Variants in ERC2 observed in about 807,000 individuals in gnomAD.
ERC2 encodes the protein ERC protein 2.
ERC2 carries 42 observed loss-of-function variants against 114.8 expected under a neutral mutation model. The observed-to-expected ratio is 0.37, with a 90% CI of 0.29 to 0.47. The LOEUF (loss-of-function observed/expected upper bound fraction) is 0.47. Ranked by LOEUF, ERC2 falls within the 20% of genes least tolerant of loss-of-function variation. The probability of loss-of-function intolerance (pLI) is 0.99; values close to 1 mark genes in which losing one functional copy is unlikely to be tolerated. For synonymous variants in ERC2, 454 were observed against 425.5 expected (o/e 1.07, Z -0.82); for missense variants, 939 against 1,150.7 (o/e 0.82, Z 2.66).
At chr3:56,276,103 T>A (rs1334567990) in intron 3 of ERC2, among the ~76,000 whole-genome samples, 2 of 152,210 alleles carry the variant, frequency 1.3e-5, no homozygotes, top group Non-Finnish European at 2.9e-5. Flanking sequence ...TGATGCCATG[T>A]AACTGATAGC....
At chr3:55,652,775 G>A (rs527824832) in intron 17 of ERC2, among the ~76,000 whole-genome samples, 10 of 145,286 alleles carry the variant, frequency 6.9e-5, no homozygotes, top group East Asian at 6.3e-4. Flanking sequence ...CAGGAGAATC[G>A]TTTGAACCCG....
intron 3 of ERC2, among the ~76,000 whole-genome samples, chr3:56,195,861 C>A (rs1234911094): frequency 1.3e-5 from 2 of 151,964 alleles, no homozygotes; most frequent in Non-Finnish European, 2.9e-5. Context: ...CAATACCATA[C>A]ATGCTGTGAG....
At chr3:55,683,241 T>C (rs1342634664) in intron 17 of ERC2, among the ~76,000 whole-genome samples, 1 of 152,216 alleles carries the variant, frequency 6.6e-6, no homozygotes, top group Non-Finnish European at 1.5e-5. Context: ...TACTATGCCT[T>C]GATCCTTGTG....
chr3:55,756,609 T>C (rs2067075212), intron 14 of ERC2, among the ~76,000 whole-genome samples: 1 of 152,210 alleles, frequency 6.6e-6, no homozygotes, highest in Non-Finnish European at 1.5e-5. Flanking sequence ...ATGTGTCTCT[T>C]GTTCATCCTG....
chr3:56,212,549 TTCCTTA>T (rs2049133020), intron 3 of ERC2, among the ~76,000 whole-genome samples: 1 of 152,126 alleles, frequency 6.6e-6, no homozygotes, highest in Admixed American at 6.5e-5. Context: ...AGTGTGGAGA[TTCCTTA>T]AAGAACTAAA....
intron 14 of ERC2, among the ~76,000 whole-genome samples, chr3:55,823,327 G>A (rs912352848): frequency 3.9e-5 from 6 of 152,166 alleles, no homozygotes; most frequent in African/African-American, 1.4e-4. Flanking sequence ...TATCCTCCCA[G>A]AGGGAGTACA....
intron 5 of ERC2, among the ~76,000 whole-genome samples, chr3:56,142,833 C>T (rs1221257936): frequency 6.7e-6 from 1 of 150,262 alleles, no homozygotes; most frequent in African/African-American, 2.4e-5. Flanking sequence ...GTACTGTGTA[C>T]TAGTTTTTTT....
intron 17 of ERC2, among the ~76,000 whole-genome samples, chr3:55,611,816 ATTTTG>A (rs1452412155): frequency 6.6e-6 from 1 of 152,190 alleles, no homozygotes; most frequent in Non-Finnish European, 1.5e-5. Context: ...TCTTTTAGGC[ATTTTG>A]TTTTGTTTCA....
At chr3:55,522,608 T>C (rs2053036838) in intron 17 of ERC2, among the ~76,000 whole-genome samples, 7 of 152,168 alleles carry the variant, frequency 4.6e-5, no homozygotes, top group Admixed American at 4.6e-4. Flanking sequence ...GCCAGTCACA[T>C]TTGCACAGTG....
chr3:55,585,119 G>A (rs904643449), intron 17 of ERC2, among the ~76,000 whole-genome samples: 6 of 152,180 alleles, frequency 3.9e-5, no homozygotes, highest in South Asian at 2.1e-4. Context: ...AGCATTCCTC[G>A]GTTTACCGTA....
At chr3:55,838,867 A>G (rs1009250555) in intron 14 of ERC2, among the ~76,000 whole-genome samples, 1 of 151,930 alleles carries the variant, frequency 6.6e-6, no homozygotes, top group African/African-American at 2.4e-5. Context: ...AAAGAAACAA[A>G]CTACAAAAGC....
chr3:56,289,373 T>C (rs1311007295), intron 3 of ERC2, among the ~76,000 whole-genome samples: 1 of 152,126 alleles, frequency 6.6e-6, no homozygotes, highest in Admixed American at 6.6e-5. Flanking sequence ...ATCTAACTTC[T>C]CTCCCTGCTT....
intron 14 of ERC2, among the ~76,000 whole-genome samples, chr3:55,818,284 T>C (rs191156321): frequency 3.3e-5 from 5 of 152,310 alleles, no homozygotes; most frequent in African/African-American, 9.6e-5. Context: ...GGTAAAAGCA[T>C]AGTGAAGTGC....
At chr3:55,978,134 G>A (rs192959830) in intron 12 of ERC2, among the ~76,000 whole-genome samples, 6 of 152,226 alleles carry the variant, frequency 3.9e-5, no homozygotes, top group Admixed American at 3.9e-4. Context: ...GGAGATAAAT[G>A]TTTAAGGAAC....
intron 14 of ERC2, among the ~76,000 whole-genome samples, chr3:55,828,114 C>G (rs1050766910): frequency 2.2e-4 from 33 of 152,358 alleles, no homozygotes; most frequent in African/African-American, 7.5e-4. Context: ...AAATTCTGAA[C>G]TCCACTTTTA....
At chr3:55,587,673 A>G (rs560655058) in intron 17 of ERC2, among the ~76,000 whole-genome samples, 189 of 152,342 alleles carry the variant, frequency 1.2e-3, no homozygotes, top group African/African-American at 4.3e-3. Context: ...TGTGAAATCC[A>G]CACCAGTAGA....
intron 6 of ERC2, among the ~76,000 whole-genome samples, chr3:56,130,728 C>G (rs543256700): frequency 6.6e-6 from 1 of 152,314 alleles, no homozygotes; most frequent in South Asian, 2.1e-4. Context: ...TTCAATTTCT[C>G]CATCACAGGT....
chr3:56,080,877 A>G lies in ERC2; in HGVS notation c.1581T>C (p.Ile527=), dbSNP rs773887993. The stretch of plus-strand genomic sequence containing the variant: ...CTTCTAACATATCTTTCATGTCACG[A>G]ATTTCACCGGCCAGTGTCCCCTTCT... The part of the protein sequence containing the change: ...TEEKGTLAGE[I]RDMKDMLEVK... The change falls in exon 7 of 18, where the codon ATT becomes ATC. Residue 527 remains isoleucine, a synonymous_variant. Coordinates refer to ENST00000288221, the MANE Select transcript of ERC2 (RefSeq NM_015576.3). The G allele has an allele frequency of 3.1e-5, 50 of 1,613,756 alleles. No homozygotes were observed. The highest frequency in any genetic ancestry group is 4.2e-5 in the Non-Finnish European group (50 of 1,179,768).
Position 56,434,566 on chromosome 3 carries a change from A to G in ERC2, c.442T>C (p.Leu148=). Residue 148 remains leucine, a synonymous_variant, in exon 2 of 18, where the codon TTA becomes CTA. Transcript: ENST00000288221. ...TCTTTCAGCTGGGCCTGAAGATCTA[A>G]CATTGTGCTGTCTCTTACCTGCCTC... is the stretch of plus-strand genomic sequence containing the variant. The part of the protein sequence containing the change: ...MLRQVRDSTM[L]DLQAQLKELQ... The G allele has an allele frequency of 1.2e-6, 2 of 1,613,944 alleles. No individual in the cohort carries two copies. Among genetic ancestry groups the G allele is most frequent in the Non-Finnish European group, 1.7e-6 (2 of 1,179,890 alleles).
Sources: allele counts gnomAD v4.1 joint callset (sites outside exome capture counted in the v4.1 genomes callset), GRCh38; gene constraint gnomAD v4.1.1; transcripts MANE v1.5; gene names NCBI Gene and HGNC (gene_info 2026-07-23, HGNC 2026-07-21).